The following ZCCHC7 variants were observed in gnomAD, a reference collection of about 807,000 sequenced individuals.
ZCCHC7 encodes the protein zinc finger CCHC domain-containing protein 7.
A neutral mutation model predicts 52.0 loss-of-function variants in ZCCHC7; 35 were observed. The ratio of observed to expected loss-of-function variants is 0.67; its 90% CI spans 0.51 to 0.89. The LOEUF (loss-of-function observed/expected upper bound fraction) is 0.89, where lower values mean the gene tolerates loss of function less well. Ranked by LOEUF, ZCCHC7 falls within the 40% of genes least tolerant of loss-of-function variation. The probability of loss-of-function intolerance (pLI) is 0.00; values close to 1 mark genes in which losing one functional copy is unlikely to be tolerated. For synonymous variants in ZCCHC7, 217 were observed against 221.5 expected (o/e 0.98, Z 0.18); for missense variants, 574 against 649.1 (o/e 0.88, Z 1.26).
At chr9:37,194,352 TAG>T in intron 2 of ZCCHC7, among the ~76,000 whole-genome samples, 1 of 152,242 alleles carries the variant, frequency 6.6e-6, no homozygotes, top group South Asian at 2.1e-4. Context: ...TAGGTCAATG[TAG>T]AGTTAAGTAG....
chr9:37,154,513 C>G lies in ZCCHC7; in HGVS notation c.610+27571C>G, dbSNP rs7873586. ...TTGTTGGCTTTTTTTGAGACAGTGT[C>G]ACTTCGTCACCTAGGTTGGAGTGCA... On this transcript the variant is annotated intron_variant, in intron 2 of 8. Coordinates refer to ENST00000336755, the MANE Select transcript of ZCCHC7 (RefSeq NM_032226.3). Among the ~76,000 whole-genome samples, 820 of 152,166 alleles carry G rather than the reference C, an allele frequency of 5.4e-3. 7 individuals are homozygous for G. Among genetic ancestry groups the G allele is most frequent in the African/African-American group, 0.016 (678 of 41,506 alleles).
intron 2 of ZCCHC7, among the ~76,000 whole-genome samples, chr9:37,282,027 C>G (rs1270902308): frequency 1.3e-5 from 2 of 152,194 alleles, no homozygotes; most frequent in Non-Finnish European, 2.9e-5. Context: ...TCTCTTCTAT[C>G]TTAAACCTTT....
intron 2 of ZCCHC7, among the ~76,000 whole-genome samples, chr9:37,133,331 T>C (rs1432169070): frequency 2.0e-5 from 3 of 151,840 alleles, no homozygotes; most frequent in Admixed American, 6.6e-5. Flanking sequence ...AAGAAAAATA[T>C]ACACGTTAAG....
At chr9:37,313,096 T>C (rs1333710280) in intron 5 of ZCCHC7, among the ~76,000 whole-genome samples, 1 of 152,220 alleles carries the variant, frequency 6.6e-6, no homozygotes, top group Non-Finnish European at 1.5e-5. Flanking sequence ...CAGTGTGCAT[T>C]ACACCTACCT....
chr9:37,273,971 C>G (rs1373703801), intron 2 of ZCCHC7, among the ~76,000 whole-genome samples: 1 of 152,042 alleles, frequency 6.6e-6, no homozygotes, highest in Non-Finnish European at 1.5e-5. Flanking sequence ...AAAACCAGAA[C>G]ACTTTTTATT....
At chr9:37,256,543 T>C (rs1457219867) in intron 2 of ZCCHC7, among the ~76,000 whole-genome samples, 1 of 152,120 alleles carries the variant, frequency 6.6e-6, no homozygotes, top group Admixed American at 6.6e-5. Flanking sequence ...TTTAAAAAGC[T>C]AGTTAGTTTC....
intron 2 of ZCCHC7, among the ~76,000 whole-genome samples, chr9:37,296,881 T>TTGTG (rs56378965): frequency 0.21 from 25,635 of 123,952 alleles, 2,911 homozygotes; most frequent in East Asian, 0.28. Flanking sequence ...CCTGGCTAGT[T>TTGTG]TGTGTGTGTG....
chr9:37,127,200 T>C (rs907330009), intron 2 of ZCCHC7, among the ~76,000 whole-genome samples: 1 of 152,212 alleles, frequency 6.6e-6, no homozygotes, highest in Non-Finnish European at 1.5e-5. Context: ...TCTTCCTGTT[T>C]GGCTAGAGCC....
chr9:37,217,946 T>C (rs1052362158), intron 2 of ZCCHC7, among the ~76,000 whole-genome samples: 1 of 152,240 alleles, frequency 6.6e-6, no homozygotes, highest in African/African-American at 2.4e-5. Flanking sequence ...TCAGTAGTTA[T>C]TCCTCTGGAT....
rs1842557186 is a variant in ZCCHC7 at position 37,126,829 on chromosome 9, C to T, written c.497C>T (p.Thr166Ile). 6 of 1,614,052 alleles carry T rather than the reference C, an allele frequency of 3.7e-6. No homozygotes were observed. Among genetic ancestry groups the T allele is most frequent in the Non-Finnish European group, 4.2e-6 (5 of 1,180,016 alleles). ...AGTTCAAGTGAAGAGGAAGAGAGCA[C>T]CATTTCAGAAGGTGATAATGTGGAA... ...EVSSSEEEESTISEGDNVESW... is the reference protein window; with the variant it reads ...EVSSSEEEESIISEGDNVESW... Residue 166 changes from threonine (T) to isoleucine (I), a missense_variant, in exon 2 of 9, where the codon ACC (threonine) becomes ATC (isoleucine). This residue lies in a region of ZCCHC7 where 403 missense variants were observed against 461.2 expected (regional missense o/e 0.87). Transcript: ENST00000336755.
At chr9:37,308,756 G>A (rs778186374) in intron 5 of ZCCHC7, among the ~76,000 whole-genome samples, 1 of 151,936 alleles carries the variant, frequency 6.6e-6, no homozygotes, top group East Asian at 1.9e-4. Flanking sequence ...CGAGGCAGGT[G>A]GATCACGAGG....
intron 5 of ZCCHC7, among the ~76,000 whole-genome samples, chr9:37,322,019 A>T (rs1830074049): frequency 6.6e-6 from 1 of 152,000 alleles, no homozygotes; most frequent in South Asian, 2.1e-4. Flanking sequence ...ATTAGTTTTT[A>T]TTTTTGTTTT....
intron 2 of ZCCHC7, among the ~76,000 whole-genome samples, chr9:37,201,667 A>G (rs7043643): frequency 0.032 from 4,946 of 152,264 alleles, 178 homozygotes; most frequent in African/African-American, 0.08. Flanking sequence ...GCAGGGCCCA[A>G]TGACATGCAT....
intron 2 of ZCCHC7, among the ~76,000 whole-genome samples, chr9:37,222,754 C>T (rs557738996): frequency 1.3e-5 from 2 of 152,132 alleles, no homozygotes; most frequent in Admixed American, 1.3e-4. Context: ...AAAAAACCCA[C>T]AAACTATGTG....
At chr9:37,148,272 C>G (rs979643561) in intron 2 of ZCCHC7, among the ~76,000 whole-genome samples, 3 of 151,988 alleles carry the variant, frequency 2.0e-5, no homozygotes, top group Non-Finnish European at 2.9e-5. Flanking sequence ...AAAGATGAAT[C>G]AGGTATAGAC....
rs1253482313 is a variant in ZCCHC7, at chr9:37,269,632, AAAAAAAAAAAAAAAC to A, written c.611-32551_611-32537del. On this transcript the variant is annotated intron_variant, in intron 2 of 8. Coordinates refer to ENST00000336755, the MANE Select transcript of ZCCHC7 (RefSeq NM_032226.3). Reference sequence around the variant, plus strand: ...AGACTCTGTCTCAAAAAAAAAAAAAAAAAAAAAAAAAAAACAAAAGAAGTTCTAGGCATGATATGA... The same window carrying A: ...AGACTCTGTCTCAAAAAAAAAAAAAAAAAAGAAGTTCTAGGCATGATATGA... 6.5e-4 allele frequency among the ~76,000 whole-genome samples: 97 copies of A among 149,564 alleles called. 2 individuals are homozygous for A. The highest frequency in any genetic ancestry group is 3.4e-4 in the African/African-American group (14 of 40,722).
intron 2 of ZCCHC7, among the ~76,000 whole-genome samples, chr9:37,213,485 A>C (rs904665346): frequency 6.6e-6 from 1 of 152,182 alleles, no homozygotes; most frequent in African/African-American, 2.4e-5. Context: ...TGCTTTATTG[A>C]TACAGGGATC....
chr9:37,224,082 G>A (rs192442440), intron 2 of ZCCHC7, among the ~76,000 whole-genome samples: 154 of 151,780 alleles, frequency 1.0e-3, no homozygotes, highest in African/African-American at 3.6e-3. Flanking sequence ...GGAGATTTTT[G>A]TCTTTAAATA....
At chr9:37,306,001 TTAAA>T (rs1429171225) in intron 5 of ZCCHC7, among the ~76,000 whole-genome samples, 12 of 152,154 alleles carry the variant, frequency 7.9e-5, no homozygotes, top group Non-Finnish European at 1.6e-4. Flanking sequence ...TATAAGCTTG[TTAAA>T]TAAAGGCTGA....
Sources: allele counts gnomAD v4.1 joint callset (sites outside exome capture counted in the v4.1 genomes callset), GRCh38; gene constraint gnomAD v4.1.1; regional missense constraint gnomAD v4.1.1; transcripts MANE v1.5; gene names NCBI Gene and HGNC (gene_info 2026-07-23, HGNC 2026-07-21).